Variants in METAP1D observed in about 807,000 individuals in gnomAD.
METAP1D encodes the protein methionyl aminopeptidase type 1D, mitochondrial, also known as methionine aminopeptidase 1D, mitochondrial.
A neutral mutation model predicts 40.5 loss-of-function variants in METAP1D; 31 were observed. The observed-to-expected ratio is 0.77, with a 90% CI of 0.58 to 1.03. The LOEUF (loss-of-function observed/expected upper bound fraction) is 1.03, where lower values mean the gene tolerates loss of function less well. Ranked by LOEUF, METAP1D falls within the 50% of genes least tolerant of loss-of-function variation. The pLI, the probability that METAP1D is intolerant of heterozygous loss-of-function variation, is 0.00. For synonymous variants in METAP1D, 151 were observed against 146.4 expected (o/e 1.03, Z -0.22); for missense variants, 411 against 420.7 (o/e 0.98, Z 0.20).
intron 1 of METAP1D, among the ~76,000 whole-genome samples, chr2:172,046,147 A>C (rs1350599439): frequency 6.6e-6 from 1 of 151,452 alleles, no homozygotes; most frequent in Non-Finnish European, 1.5e-5. Context: ...GTTTCTGAAT[A>C]AATGATGAAA....
intron 6 of METAP1D, 138 bp from the exon 7 acceptor site, chr2:172,077,659 A>G: frequency 1.9e-6 from 1 of 529,866 alleles, no homozygotes; most frequent in East Asian, 3.2e-5. Flanking sequence ...TAATGAAAAC[A>G]CATGAATGTT....
At chr2:172,063,548 G>A (rs1459414347) in intron 2 of METAP1D, among the ~76,000 whole-genome samples, 163 bp from the exon 3 acceptor site, 1 of 152,214 alleles carries the variant, frequency 6.6e-6, no homozygotes, top group African/African-American at 2.4e-5. Flanking sequence ...AAGGGCAGGG[G>A]AAGGAACTGG....
intron 1 of METAP1D, among the ~76,000 whole-genome samples, chr2:172,004,636 T>G (rs1384723632): frequency 6.6e-6 from 1 of 152,134 alleles, no homozygotes; most frequent in Non-Finnish European, 1.5e-5. Context: ...CCAAACCAAC[T>G]TATAATTAAA....
intron 3 of METAP1D, chr2:172,064,532 A>T (rs1328942917): frequency 6.6e-6 from 1 of 152,008 alleles, no homozygotes. Flanking sequence ...AGGCAGGAGA[A>T]TCACTTGAAC....
intron 1 of METAP1D, among the ~76,000 whole-genome samples, chr2:172,055,256 A>C: frequency 7.0e-6 from 1 of 143,026 alleles, no homozygotes; most frequent in Admixed American, 7.1e-5. Flanking sequence ...GATGGTCATC[A>C]TGCATCAAAT....
chr2:172,016,328 T>TAC lies in METAP1D; in HGVS notation c.40+16320_40+16321insCA, dbSNP rs1688863680. On this transcript the variant is annotated intron_variant, in intron 1 of 9. Coordinates refer to ENST00000315796, the MANE Select transcript of METAP1D (RefSeq NM_199227.3). ...ATATATATATATATATATATATATA[T>TAC]ATAAATAGTCCAGGCGTGGTGACTA... Among the ~76,000 whole-genome samples, 52 of 85,286 alleles carry TAC rather than the reference T, an allele frequency of 6.1e-4. 1 individual carries two copies. The highest frequency in any genetic ancestry group is 1.2e-4 in the Non-Finnish European group (5 of 41,772). 56.0% of individuals were successfully genotyped at this position (85,286 alleles called of 152,430 possible).
chr2:172,011,961 A>G (rs1225231310), intron 1 of METAP1D, among the ~76,000 whole-genome samples: 1 of 152,258 alleles, frequency 6.6e-6, no homozygotes, highest in African/African-American at 2.4e-5. Flanking sequence ...CACATCCACA[A>G]GACAACGTTT....
At chr2:172,020,616 A>C (rs775520338) in intron 1 of METAP1D, among the ~76,000 whole-genome samples, 3 of 152,248 alleles carry the variant, frequency 2.0e-5, no homozygotes, top group Admixed American at 6.5e-5. Context: ...TTGGGAGTAC[A>C]TCAACACAGA....
chr2:172,076,683 A>G (rs1690554163), intron 6 of METAP1D, among the ~76,000 whole-genome samples: 1 of 152,278 alleles, frequency 6.6e-6, no homozygotes, highest in South Asian at 2.1e-4. Context: ...ATTATTTAGA[A>G]AAATGTATAA....
At chr2:172,028,569 T>C (rs1689172616) in intron 1 of METAP1D, among the ~76,000 whole-genome samples, 1 of 147,432 alleles carries the variant, frequency 6.8e-6, no homozygotes, top group Non-Finnish European at 1.5e-5. Flanking sequence ...TGTGTGTGTG[T>C]GTGTGTGTGT....
chr2:172,002,535 T>G (rs999288112), intron 1 of METAP1D, among the ~76,000 whole-genome samples: 1 of 152,144 alleles, frequency 6.6e-6, no homozygotes, highest in Non-Finnish European at 1.5e-5. Context: ...TCCATCCCAC[T>G]GTATCCCAAA....
intron 1 of METAP1D, among the ~76,000 whole-genome samples, chr2:172,040,822 C>T (rs1241980205): frequency 6.8e-6 from 1 of 147,188 alleles, no homozygotes; most frequent in Non-Finnish European, 1.5e-5. Context: ...CCTCGGCTCA[C>T]TGCAGCCTCT....
chr2:172,024,748 TTGTGTGTGTGTGTG>T (rs61596658), intron 1 of METAP1D, among the ~76,000 whole-genome samples: 3 of 66,568 alleles, frequency 4.5e-5, no homozygotes, highest in South Asian at 5.3e-4. Context: ...GACATATAGA[TTGTGTGTGTGTGTG>T]TGTGTGTGTG....
At chr2:172,073,180 A>T (rs1690461473) in intron 6 of METAP1D, among the ~76,000 whole-genome samples, 1 of 152,216 alleles carries the variant, frequency 6.6e-6, no homozygotes, top group African/African-American at 2.4e-5. Context: ...TCTCACATTC[A>T]AGTGGCGGCT....
Position 172,038,077 on chromosome 2 carries a change from G to T in METAP1D, c.41-23421G>T, listed in dbSNP as rs528346540. Among the ~76,000 whole-genome samples, 53 of 152,144 alleles carry T rather than the reference G, an allele frequency of 3.5e-4. 1 individual carries two copies. The highest frequency in any genetic ancestry group is 1.5e-4 in the Non-Finnish European group (10 of 68,040). On this transcript the variant is annotated intron_variant, in intron 1 of 9. Coordinates refer to ENST00000315796, the MANE Select transcript of METAP1D (RefSeq NM_199227.3). Reference sequence around the variant, plus strand: ...GAGTGGAAATGGCCGAGAATATGTGGTAGGAAGCAGTAAAGTGGACGTTTC... The same window carrying T: ...GAGTGGAAATGGCCGAGAATATGTGTTAGGAAGCAGTAAAGTGGACGTTTC...
chr2:172,071,276 A>G (rs1386941400), intron 6 of METAP1D, among the ~76,000 whole-genome samples: 4 of 152,188 alleles, frequency 2.6e-5, no homozygotes, highest in African/African-American at 9.7e-5. Flanking sequence ...CAGGGTCAGC[A>G]AAGAAACTTA....
chr2:172,048,574 G>A (rs1689810839), intron 1 of METAP1D, among the ~76,000 whole-genome samples: 1 of 152,138 alleles, frequency 6.6e-6, no homozygotes, highest in East Asian at 1.9e-4. Context: ...ATCTTTTGGA[G>A]GAAATTCTCA....
intron 1 of METAP1D, among the ~76,000 whole-genome samples, chr2:172,037,076 A>G (rs1293258649): frequency 6.6e-6 from 1 of 152,168 alleles, no homozygotes; most frequent in African/African-American, 2.4e-5. Context: ...CCTGACCAAC[A>G]TGGAGAAACC....
chr2:172,036,321 A>AG (rs1689384493), intron 1 of METAP1D, among the ~76,000 whole-genome samples: 1 of 148,684 alleles, frequency 6.7e-6, no homozygotes, highest in South Asian at 2.1e-4. Flanking sequence ...TGTCTCAAGA[A>AG]AAAAAAAAAA....
Sources: gnomAD v4.1 joint callset for allele counts (sites outside exome capture counted in the v4.1 genomes callset) on GRCh38, gnomAD v4.1.1 for gene constraint, MANE v1.5 for transcripts, NCBI Gene and HGNC (gene_info 2026-07-23, HGNC 2026-07-21) for gene names.